CNTN4: variants seen among roughly 807,000 people sequenced by gnomAD.
The protein encoded by CNTN4 is contactin 4.
CNTN4 carries 77 observed loss-of-function variants against 122.5 expected under a neutral mutation model. The observed-to-expected ratio is 0.63, with a 90% CI of 0.52 to 0.76. The LOEUF is 0.76. Ranked by LOEUF, CNTN4 falls within the 30% of genes least tolerant of loss-of-function variation. The probability of loss-of-function intolerance (pLI) is 0.00; values close to 1 mark genes in which losing one functional copy is unlikely to be tolerated. For missense variants in CNTN4, 1,256 were observed against 1,259.1 expected (o/e 1.00, Z 0.04); for synonymous variants, 512 against 447.0 (o/e 1.15, Z -1.83).
intron 3 of CNTN4, among the ~76,000 whole-genome samples, chr3:2,506,827 A>T (rs2076743150): frequency 2.6e-5 from 4 of 152,084 alleles, no homozygotes. Context: ...AGTGCAAGAG[A>T]GGCTGGAATG....
chr3:3,049,777 A>G (rs532881475), intron 23 of CNTN4, among the ~76,000 whole-genome samples: 1 of 152,314 alleles, frequency 6.6e-6, no homozygotes, highest in Admixed American at 6.5e-5. Flanking sequence ...AGGAAGTGCA[A>G]AGGTCCAGAG....
intron 2 of CNTN4, among the ~76,000 whole-genome samples, chr3:2,138,904 C>T (rs2034843475): frequency 6.6e-6 from 1 of 152,102 alleles, no homozygotes; most frequent in African/African-American, 2.4e-5. Flanking sequence ...GATATATCGC[C>T]TATGGGTTTT....
At chr3:2,634,329 G>A (rs962742011) in intron 4 of CNTN4, among the ~76,000 whole-genome samples, 3 of 152,088 alleles carry the variant, frequency 2.0e-5, no homozygotes, top group African/African-American at 7.2e-5. Context: ...TTCTTAAGTA[G>A]CAGAAAATAT....
At chr3:2,561,354 A>G (rs556573586) in intron 3 of CNTN4, among the ~76,000 whole-genome samples, 35 of 152,272 alleles carry the variant, frequency 2.3e-4, no homozygotes, top group African/African-American at 8.4e-4. Context: ...TGCTCTGGTG[A>G]TAGAAGCTTT....
At chr3:2,210,851 C>T (rs1417362976) in intron 2 of CNTN4, among the ~76,000 whole-genome samples, 2 of 152,096 alleles carry the variant, frequency 1.3e-5, no homozygotes, top group African/African-American at 4.8e-5. Context: ...GTTGTATCTT[C>T]AGAAATAAAA....
At chr3:2,756,980 T>C (rs2090367824) in intron 6 of CNTN4, among the ~76,000 whole-genome samples, 1 of 152,182 alleles carries the variant, frequency 6.6e-6, no homozygotes, top group Non-Finnish European at 1.5e-5. Context: ...GCACAATTCT[T>C]TTTCATTTCT....
At chr3:2,418,748 A>G (rs1191007423) in intron 3 of CNTN4, among the ~76,000 whole-genome samples, 4 of 152,240 alleles carry the variant, frequency 2.6e-5, no homozygotes, top group Non-Finnish European at 5.9e-5. Context: ...AATAATACAT[A>G]AAACAATATC....
intron 3 of CNTN4, among the ~76,000 whole-genome samples, chr3:2,354,615 C>A (rs1473924294): frequency 1.3e-5 from 2 of 152,130 alleles, no homozygotes; most frequent in East Asian, 1.9e-4. Context: ...CAGAGTGATA[C>A]CAGAGCAACT....
intron 13 of CNTN4, among the ~76,000 whole-genome samples, chr3:2,977,947 A>G (rs1693583113): frequency 6.6e-6 from 1 of 152,136 alleles, no homozygotes; most frequent in Admixed American, 6.5e-5. Context: ...CCATGTGACG[A>G]TGGAGGCAGA....
At chr3:2,461,468 G>A (rs1375258364) in intron 3 of CNTN4, among the ~76,000 whole-genome samples, 4 of 152,092 alleles carry the variant, frequency 2.6e-5, no homozygotes, top group South Asian at 2.1e-4. Flanking sequence ...AGTTATGCAA[G>A]CTCAGTGATC....
At chr3:2,944,718 C>G (rs900951897) in intron 13 of CNTN4, among the ~76,000 whole-genome samples, 3 of 152,158 alleles carry the variant, frequency 2.0e-5, no homozygotes, top group African/African-American at 7.2e-5. Flanking sequence ...TTTACCAGAA[C>G]CTTGTCTAAG....
Position 2,943,371 on chromosome 3 carries a change from T to C in CNTN4, c.1358+17592T>C, listed in dbSNP as rs1049601074. 6.6e-5 allele frequency among the ~76,000 whole-genome samples: 10 copies of C among 152,060 alleles called. No individual in the cohort carries two copies. In the East Asian group the frequency reaches 1.7e-3, roughly 26 times the overall value. ...CAGCATGAACAACTCAAGCCTGCAA[T>C]TAGCCCAGGGAGAACAGGACTTTAC... On this transcript the variant is annotated intron_variant, in intron 13 of 24. Transcript: ENST00000418658.
intron 3 of CNTN4, among the ~76,000 whole-genome samples, chr3:2,496,519 G>T (rs1489663098): frequency 6.6e-6 from 1 of 152,114 alleles, no homozygotes; most frequent in Non-Finnish European, 1.5e-5. Flanking sequence ...ATTCACCCCT[G>T]AATTAAGTGG....
Position 2,515,520 on chromosome 3 carries a change from T to C in CNTN4, c.-88-55896T>C, listed in dbSNP as rs114368414. Among the ~76,000 whole-genome samples the C allele has an allele frequency of 8.1e-3, 1,233 of 152,268 alleles. 10 individuals are homozygous for C. The highest frequency in any genetic ancestry group is 0.024 in the African/African-American group (993 of 41,560). ...AAAATAAAAGGCATACATCATTTTA[T>C]TAACAAATAGATACCCGTCCACATA... On this transcript the variant is annotated intron_variant, in intron 3 of 24. Coordinates refer to ENST00000418658, the MANE Select transcript of CNTN4 (RefSeq NM_175607.3).
intron 4 of CNTN4, among the ~76,000 whole-genome samples, chr3:2,599,921 T>C (rs2080948341): frequency 6.6e-6 from 1 of 151,698 alleles, no homozygotes; most frequent in Admixed American, 6.6e-5. Flanking sequence ...TATTGAAGTT[T>C]GGAGCTATCT....
chr3:2,206,195 A>G (rs1174283416), intron 2 of CNTN4, among the ~76,000 whole-genome samples: 3 of 152,102 alleles, frequency 2.0e-5, no homozygotes, highest in South Asian at 2.1e-4. Context: ...GTAATACCTC[A>G]CTGCAACCTC....
intron 2 of CNTN4, among the ~76,000 whole-genome samples, chr3:2,151,097 G>A (rs2035474825): frequency 6.6e-6 from 1 of 152,064 alleles, no homozygotes; most frequent in Non-Finnish European, 1.5e-5. Context: ...GCTAATTTTT[G>A]TATTTTTAGT....
chr3:2,458,928 A>G (rs2049099751), intron 3 of CNTN4, among the ~76,000 whole-genome samples: 1 of 152,302 alleles, frequency 6.6e-6, no homozygotes, highest in Admixed American at 6.5e-5. Flanking sequence ...TCTGTACATT[A>G]GACTGTACAA....
intron 15 of CNTN4, among the ~76,000 whole-genome samples, chr3:3,028,599 G>A (rs1475796681): frequency 6.6e-6 from 1 of 152,110 alleles, no homozygotes; most frequent in African/African-American, 2.4e-5. Context: ...AGATGGTATA[G>A]GCATTTCCCT....
Sources: gnomAD v4.1 joint callset for allele counts (sites outside exome capture counted in the v4.1 genomes callset) on GRCh38, gnomAD v4.1.1 for gene constraint, MANE v1.5 for transcripts, NCBI Gene and HGNC (gene_info 2026-07-23, HGNC 2026-07-21) for gene names.